Variants in FANCI observed in about 807,000 individuals in gnomAD.
FANCI encodes the protein FA complementation group I, also known as Fanconi anemia group I protein.
Under a neutral mutation model 176.1 loss-of-function variants are expected in FANCI, and 156 were observed. That is an observed-to-expected ratio of 0.89 (90% confidence interval 0.78 to 1.01). FANCI has a LOEUF of 1.01. Ranked by LOEUF, FANCI falls within the 50% of genes least tolerant of loss-of-function variation. FANCI has a pLI of 0.00. For missense variants in FANCI, 1,678 were observed against 1,534.1 expected, an observed-to-expected ratio of 1.09 and a Z score of -1.57; for synonymous variants, 613 against 541.7, an observed-to-expected ratio of 1.13 and a Z score of -1.83.
chr15:89,274,557 T>C (rs891256484), intron 12 of FANCI, among the ~76,000 whole-genome samples: 17 of 151,864 alleles, frequency 1.1e-4, no homozygotes, highest in Non-Finnish European at 2.2e-4. Context: ...CTTTTGTTTA[T>C]TCCATGATAT....
Position 89,274,304 on chromosome 15 carries a change from GGTAA to G in FANCI, c.1112+3_1112+6del. On this transcript the variant is annotated splice_donor_variant and splice_donor_region_variant and intron_variant, in intron 12 of 37. Coordinates refer to ENST00000310775, the MANE Select transcript of FANCI (RefSeq NM_001113378.2). LOFTEE classifies it high-confidence loss of function. ...ATGATCTTGGAAGTAGTGAAGAATA[GGTAA>G]GTTGGTGAACCATATCTCAAAAGGT... 1 of 1,613,372 alleles carries G rather than the reference GGTAA, an allele frequency of 6.2e-7. No homozygotes were observed. Among genetic ancestry groups the G allele is most frequent in the Non-Finnish European group, 8.5e-7 (1 of 1,179,738 alleles).
At chr15:89,286,816 A>G (rs192987451) in intron 18 of FANCI, among the ~76,000 whole-genome samples, 54 of 152,188 alleles carry the variant, frequency 3.5e-4, no homozygotes, top group African/African-American at 1.2e-3. Context: ...TCTCCTCCCT[A>G]GCTAGGCAAG....
Position 89,316,589 on chromosome 15 carries a change from C to A in FANCI, c.*130C>A. ...GTTCTGAACCCACTGAATTCAACTG[C>A]ACCTTCAGTTAGAAGGAATCTTCTT... On this transcript the variant is annotated 3_prime_UTR_variant, in exon 38 of 38. Transcript: ENST00000310775. 9.0e-7 allele frequency: 1 copy of A among 1,111,330 alleles called. No homozygotes were observed. The highest frequency in any genetic ancestry group is 1.3e-6 in the Non-Finnish European group (1 of 742,270). 68.8% of individuals were successfully genotyped at this position (1,111,330 alleles called of 1,614,324 possible). A position where few individuals can be genotyped will look rare whatever the true frequency, so the allele number is the denominator to read the frequency against.
chr15:89,246,106 T>C (rs2051956720), intron 1 of FANCI, among the ~76,000 whole-genome samples: 1 of 152,188 alleles, frequency 6.6e-6, no homozygotes, highest in African/African-American at 2.4e-5. Flanking sequence ...GTACCATTTA[T>C]GGAGACGGGA....
At chr15:89,293,164 C>CGATGG in intron 22 of FANCI, 101 bp downstream of exon 22, 1 of 1,262,688 alleles carries the variant, frequency 7.9e-7, no homozygotes. Context: ...AGACCACAGA[C>CGATGG]GATGACACTG....
At position 89,296,977 on chromosome 15, in the gene FANCI, C is replaced by T. The variant is rs12909875; in HGVS notation, c.2636+1883C>T. 2.0e-5 allele frequency among the ~76,000 whole-genome samples: 3 copies of T among 149,704 alleles called. No homozygotes were observed. The East Asian group carries it at 6.0e-4, about 30-fold the overall frequency. On this transcript the variant is annotated intron_variant, in intron 24 of 37. Transcript: ENST00000310775. ...CTGGCCGGGCGGGGGGCTGACCCCC[C>T]CCACCTCCCTCCCGGACGGGGCGGC...
intron 10 of FANCI, 78 bp downstream of exon 10, chr15:89,268,603 A>T: frequency 6.4e-7 from 1 of 1,553,902 alleles, no homozygotes; most frequent in Non-Finnish European, 8.9e-7. Flanking sequence ...TATGCCAGTT[A>T]ATGACAGGAA....
At chr15:89,271,250 A>G (rs1029572430) in intron 10 of FANCI, among the ~76,000 whole-genome samples, 1 of 152,138 alleles carries the variant, frequency 6.6e-6, no homozygotes, top group African/African-American at 2.4e-5. Context: ...AACTGTCACT[A>G]TAATCCAATT....
At chr15:89,291,341 T>G (rs1012757629) in intron 19 of FANCI, among the ~76,000 whole-genome samples, 6 of 152,182 alleles carry the variant, frequency 3.9e-5, no homozygotes, top group African/African-American at 1.4e-4. Context: ...ATTTTTAACC[T>G]CCAAGTTAAC....
intron 6 of FANCI, 103 bp from the exon 7 acceptor site, chr15:89,263,316 A>G: frequency 1.1e-6 from 1 of 928,676 alleles, no homozygotes; most frequent in Non-Finnish European, 1.7e-6. Context: ...CGGTATTGCA[A>G]AATCAAACTT....
Position 89,316,686 on chromosome 15 carries a change from A to C in FANCI, c.*227A>C. 7.3e-7 allele frequency: 1 copy of C among 1,370,588 alleles called. No individual in the cohort carries two copies. The allele number at this position is 1,370,588 out of a possible 1,614,324, so 84.9% of individuals were successfully genotyped here. On this transcript the variant is annotated 3_prime_UTR_variant, in exon 38 of 38. Coordinates refer to ENST00000310775, the MANE Select transcript of FANCI (RefSeq NM_001113378.2). ...TGCAAAAAGCACAGCTGAAAGCCTG[A>C]GTTTGGGAGCCTGCACCACCCCGAT... is the stretch of plus-strand genomic sequence containing the variant.
At position 89,317,011 on chromosome 15, in the gene FANCI, A is replaced by G. The variant is rs115758754; in HGVS notation, c.*552A>G. ...CTTTTTATATAAGTGTGTCTTAGAT[A>G]TATTTTAAATAGAAAATAAGCTTTC... On this transcript the variant is annotated 3_prime_UTR_variant, in exon 38 of 38. Transcript: ENST00000310775. The G allele has an allele frequency of 5.0e-4, 306 of 616,676 alleles. No individual in the cohort carries two copies. In the African/African-American group the frequency reaches 5.1e-3, roughly 10 times the overall value. The allele number at this position is 616,676 out of a possible 1,614,324, so 38.2% of individuals were successfully genotyped here. A position where few individuals can be genotyped will look rare whatever the true frequency, so the allele number is the denominator to read the frequency against.
intron 2 of FANCI, among the ~76,000 whole-genome samples, chr15:89,252,561 G>A (rs1478252426): frequency 1.3e-5 from 2 of 152,006 alleles, no homozygotes; most frequent in Non-Finnish European, 2.9e-5. Flanking sequence ...CCAACATGGT[G>A]AAACCTCAAC....
intron 18 of FANCI, among the ~76,000 whole-genome samples, 166 bp downstream of exon 18, chr15:89,285,384 G>C (rs2053774536): frequency 1.3e-5 from 2 of 152,222 alleles, no homozygotes; most frequent in South Asian, 2.1e-4. Context: ...GCAGGGCACA[G>C]TGGCTCACAC....
chr15:89,265,960 T>G (rs1381252997), intron 9 of FANCI, among the ~76,000 whole-genome samples: 2 of 152,068 alleles, frequency 1.3e-5, no homozygotes, highest in East Asian at 3.8e-4. Context: ...ATTTAGTTAG[T>G]TTGGCTTGAG....
At chr15:89,287,209 G>A (rs1318719901) in intron 18 of FANCI, among the ~76,000 whole-genome samples, 2 of 151,972 alleles carry the variant, frequency 1.3e-5, no homozygotes, top group Admixed American at 1.3e-4. Flanking sequence ...TCTTGACCTC[G>A]TGATCTGCCC....
Position 89,247,533 on chromosome 15 carries a change from A to G in FANCI, c.-19-96A>G, listed in dbSNP as rs2052042629. On this transcript the variant is annotated intron_variant, in intron 1 of 37. Transcript: ENST00000310775. The stretch of plus-strand genomic sequence containing the variant: ...TAAGTTTGTTGAGCACCCATTGCAT[A>G]ATAGGTATGAAATATTCAGTTAACA... The G allele has an allele frequency of 7.0e-6, 6 of 861,018 alleles. No individual in the cohort carries two copies. In the East Asian group the frequency reaches 1.4e-4, roughly 21 times the overall value. 53.3% of individuals were successfully genotyped at this position (861,018 alleles called of 1,614,324 possible). A position where few individuals can be genotyped will look rare whatever the true frequency, so the allele number is the denominator to read the frequency against.
At chr15:89,286,880 T>A (rs943865139) in intron 18 of FANCI, among the ~76,000 whole-genome samples, 9 of 152,122 alleles carry the variant, frequency 5.9e-5, no homozygotes, top group African/African-American at 2.2e-4. Context: ...ATTGAAAATC[T>A]GTTGTTTAAT....
chr15:89,308,489 A>G (rs1458882616), intron 34 of FANCI, among the ~76,000 whole-genome samples: 7 of 152,196 alleles, frequency 4.6e-5, no homozygotes, highest in Non-Finnish European at 8.8e-5. Context: ...TGTCAATCTC[A>G]GCCAAGATTC....
Sources: gnomAD v4.1 joint callset for allele counts (sites outside exome capture counted in the v4.1 genomes callset) on GRCh38, gnomAD v4.1.1 for gene constraint, MANE v1.5 for transcripts, NCBI Gene and HGNC (gene_info 2026-07-23, HGNC 2026-07-21) for gene names.